GALNT18: variants seen among roughly 807,000 people sequenced by gnomAD.
GALNT18 encodes the protein polypeptide N-acetylgalactosaminyltransferase 18.
Under a neutral mutation model 69.5 loss-of-function variants are expected in GALNT18, and 44 were observed. The observed-to-expected ratio is 0.63, with a 90% CI of 0.50 to 0.81. GALNT18 has a LOEUF of 0.81. GALNT18 is among the 40% of genes least tolerant of loss of function. The pLI is 0.00. For missense variants in GALNT18, 715 were observed against 810.0 expected, an observed-to-expected ratio of 0.88 and a Z score of 1.42; for synonymous variants, 364 against 318.2, an observed-to-expected ratio of 1.14 and a Z score of -1.53.
chr11:11,448,713 C>T (rs755563409), intron 2 of GALNT18, 31 bp downstream of exon 2: 25 of 1,580,124 alleles, frequency 1.6e-5, no homozygotes, highest in East Asian at 4.5e-5. Flanking sequence ...ATAGGCAGGT[C>T]GACAAGGGCC....
rs75626601 is a variant in GALNT18 at position 11,332,026 on chromosome 11, C to T, written c.1416+668G>A. On this transcript the variant is annotated intron_variant, in intron 8 of 10. Transcript: ENST00000227756. This position sits in a 1 kb window ranked among gnomAD's most constrained non-coding sequence, Gnocchi z 4.3. ...AAATCTTAGATTTTCTTTTACTCTACGGGGATAGTATTGAATTACCCCCAT... is the reference window on the plus strand; with the variant it reads ...AAATCTTAGATTTTCTTTTACTCTATGGGGATAGTATTGAATTACCCCCAT... Among the ~76,000 whole-genome samples the T allele has an allele frequency of 0.02, 2,968 of 152,136 alleles. 53 individuals carry two copies. The highest frequency in any genetic ancestry group is 0.054 in the Middle Eastern group (16 of 294).
chr11:11,439,356 T>C lies in GALNT18; in HGVS notation c.429-6569A>G, dbSNP rs1855485746. Among the ~76,000 whole-genome samples the C allele has an allele frequency of 6.6e-6, 1 of 152,142 alleles. No homozygotes were observed. The highest frequency in any genetic ancestry group is 6.5e-5 in the Admixed American group (1 of 15,282). On this transcript the variant is annotated intron_variant, in intron 2 of 10. Coordinates refer to ENST00000227756, the MANE Select transcript of GALNT18 (RefSeq NM_198516.3). This position sits in a 1 kb window ranked among gnomAD's most constrained non-coding sequence, Gnocchi z 4.4. ...GCCTGTGTGGCTTCTCATTGTGTGA[T>C]TGTGGGCCTTCATCAGCCTTCAAAA...
At chr11:11,412,944 T>G (rs1454645536) in intron 3 of GALNT18, among the ~76,000 whole-genome samples, 1 of 152,190 alleles carries the variant, frequency 6.6e-6, no homozygotes, top group African/African-American at 2.4e-5. Flanking sequence ...AGGGAGCTAG[T>G]GGATAAATAC....
rs1850930144 is a variant in GALNT18, at chr11:11,372,418, C to G, written c.1092+97G>C. ...TCAGGACTGGACATTCAGAATCAGT[C>G]TGTGACCCTCAACCTTAAACCCCAT... On this transcript the variant is annotated intron_variant, in intron 6 of 10. Transcript: ENST00000227756. This position sits in a 1 kb window ranked among gnomAD's most constrained non-coding sequence, Gnocchi z 4.9. 2.2e-6 allele frequency: 2 copies of G among 891,240 alleles called. No homozygotes were observed. The highest frequency in any genetic ancestry group is 3.7e-6 in the Non-Finnish European group (2 of 545,160). The allele number at this position is 891,240 out of a possible 1,614,324, so 55.2% of individuals were successfully genotyped here.
intron 9 of GALNT18, among the ~76,000 whole-genome samples, chr11:11,313,079 A>G (rs568934532): frequency 1.3e-5 from 2 of 152,310 alleles, no homozygotes; most frequent in South Asian, 4.1e-4. Flanking sequence ...TGCCCTAAAG[A>G]AGCAGGCTTT....
intron 1 of GALNT18, among the ~76,000 whole-genome samples, chr11:11,530,838 A>C (rs1485356497): frequency 6.6e-6 from 1 of 152,234 alleles, no homozygotes; most frequent in Non-Finnish European, 1.5e-5. Flanking sequence ...TGGAGCCATC[A>C]GCTCCCACTT....
intron 10 of GALNT18, among the ~76,000 whole-genome samples, chr11:11,288,440 C>T (rs1471497208): frequency 2.0e-5 from 3 of 152,088 alleles, no homozygotes; most frequent in Non-Finnish European, 4.4e-5. Flanking sequence ...TTCTGCAGAC[C>T]AAGTCGGTCA....
chr11:11,394,311 G>T (rs957176137), intron 3 of GALNT18, among the ~76,000 whole-genome samples: 1 of 152,208 alleles, frequency 6.6e-6, no homozygotes, highest in African/African-American at 2.4e-5. Context: ...AATGTGCATG[G>T]CATGCTTGAG....
intron 10 of GALNT18, among the ~76,000 whole-genome samples, chr11:11,275,391 T>G (rs1033292007): frequency 1.3e-5 from 2 of 152,220 alleles, no homozygotes; most frequent in Admixed American, 1.3e-4. Context: ...ATGGGGTTGT[T>G]TGTTTCTTGT....
At chr11:11,425,621 T>C (rs559369105) in intron 3 of GALNT18, among the ~76,000 whole-genome samples, 2 of 152,284 alleles carry the variant, frequency 1.3e-5, no homozygotes, top group South Asian at 2.1e-4. Flanking sequence ...GAAAACTTTT[T>C]TTTTTTCCCC....
chr11:11,292,783 C>CAAT (rs983151557), intron 10 of GALNT18, among the ~76,000 whole-genome samples: 2 of 151,996 alleles, frequency 1.3e-5, no homozygotes, highest in Non-Finnish European at 2.9e-5. Flanking sequence ...AAAACAACAA[C>CAAT]AATAATAATA....
At chr11:11,308,501 T>C (rs1849616366) in intron 9 of GALNT18, among the ~76,000 whole-genome samples, 1 of 152,098 alleles carries the variant, frequency 6.6e-6, no homozygotes, top group Admixed American at 6.5e-5. Context: ...AAACCCCCAG[T>C]ATCATTCCAG....
chr11:11,303,359 G>A (rs975296091), intron 9 of GALNT18, among the ~76,000 whole-genome samples: 4 of 152,152 alleles, frequency 2.6e-5, no homozygotes, highest in African/African-American at 9.7e-5. Flanking sequence ...CACATGACAT[G>A]AATTGACCTT....
intron 1 of GALNT18, among the ~76,000 whole-genome samples, chr11:11,537,980 T>A (rs1006356933): frequency 1.3e-5 from 2 of 152,108 alleles, no homozygotes; most frequent in African/African-American, 4.8e-5. Context: ...CTAATACAAC[T>A]ATAATATAAT....
chr11:11,438,248 G>T (rs4910000), intron 2 of GALNT18, among the ~76,000 whole-genome samples: 101,507 of 152,002 alleles, frequency 0.67, 35,677 homozygotes, highest in Non-Finnish European at 0.79. Flanking sequence ...GCTCCCAGAT[G>T]GCAGGACATA....
In GALNT18 at chr11:11,459,650, T is replaced by C. The variant is rs973042470; in HGVS notation, c.236-10714A>G. ...TAAACCTCTCTGAAGCTCAGCTTGC[T>C]GTCGAATGTGGATAATAATGTCTAT... On this transcript the variant is annotated intron_variant, in intron 1 of 10. Transcript: ENST00000227756. This position sits in a 1 kb window ranked among gnomAD's most constrained non-coding sequence, Gnocchi z 5.0. Among the ~76,000 whole-genome samples the C allele has an allele frequency of 3.3e-5, 5 of 152,244 alleles. No individual in the cohort carries two copies. Among genetic ancestry groups the C allele is most frequent in the Non-Finnish European group, 7.3e-5 (5 of 68,046 alleles).
Position 11,293,543 on chromosome 11 carries a change from T to C in GALNT18, c.1513-350A>G, listed in dbSNP as rs79844531. Among the ~76,000 whole-genome samples the C allele has an allele frequency of 1.3e-3, 118 of 91,990 alleles. 2 individuals carry two copies. The South Asian group carries it at 0.023, about 18-fold the overall frequency. The allele number at this position is 91,990 out of a possible 152,430, so 60.3% of individuals were successfully genotyped here. A position where few individuals can be genotyped will look rare whatever the true frequency, so the allele number is the denominator to read the frequency against. ...AGTTTACAAACCCCTCTTTTTTTTT[T>C]TTTTTTTTTTTTTTGGAGACAGAGT... is the stretch of plus-strand genomic sequence containing the variant. On this transcript the variant is annotated intron_variant, in intron 9 of 10. Coordinates refer to ENST00000227756, the MANE Select transcript of GALNT18 (RefSeq NM_198516.3).
At chr11:11,495,333 T>C (rs767034787) in intron 1 of GALNT18, among the ~76,000 whole-genome samples, 36 of 152,286 alleles carry the variant, frequency 2.4e-4, no homozygotes, top group Middle Eastern at 3.4e-3. Context: ...ACTACGCTAA[T>C]AATGAATGTG....
chr11:11,273,607 T>G lies in GALNT18; in HGVS notation c.1678-2317A>C, dbSNP rs149444184. On this transcript the variant is annotated intron_variant, in intron 10 of 10. Transcript: ENST00000227756. ...ACATTGTTGGTGGGAATGAAAATTA[T>G]TACAGCTACTATGGAGAACAGTATG... Among the ~76,000 whole-genome samples, 448 of 152,296 alleles carry G rather than the reference T, an allele frequency of 2.9e-3. 6 individuals are homozygous for G. The highest frequency in any genetic ancestry group is 0.01 in the African/African-American group (418 of 41,556).
Sources: gnomAD v4.1 joint callset for allele counts (sites outside exome capture counted in the v4.1 genomes callset) on GRCh38, gnomAD v4.1.1 for gene constraint, Gnocchi (gnomAD v3.1) non-coding constraint, MANE v1.5 for transcripts, NCBI Gene and HGNC (gene_info 2026-07-23, HGNC 2026-07-21) for gene names.